The following CCSER1 variants were observed in gnomAD, a reference collection of about 807,000 sequenced individuals.
CCSER1 encodes the protein coiled-coil serine rich protein 1.
A neutral mutation model predicts 82.0 loss-of-function variants in CCSER1; 41 were observed. The ratio of observed to expected loss-of-function variants is 0.50; its 90% CI spans 0.39 to 0.65. CCSER1 has a LOEUF of 0.65. CCSER1 is among the 30% of genes least tolerant of loss of function. CCSER1 has a pLI of 0.00. For synonymous variants in CCSER1, 414 were observed against 383.9 expected, an observed-to-expected ratio of 1.08 and a Z score of -0.92; for missense variants, 1,119 against 1,064.2, an observed-to-expected ratio of 1.05 and a Z score of -0.72.
intron 4 of CCSER1, among the ~76,000 whole-genome samples, chr4:90,466,565 G>A (rs1389112227): frequency 6.6e-6 from 1 of 152,190 alleles, no homozygotes; most frequent in Non-Finnish European, 1.5e-5. Context: ...GAACCCAGTT[G>A]AGCCCATCTG....
chr4:90,467,928 C>A (rs1366852731), intron 4 of CCSER1, among the ~76,000 whole-genome samples: 2 of 152,030 alleles, frequency 1.3e-5, no homozygotes, highest in East Asian at 1.9e-4. Context: ...TGCAAAGATT[C>A]ATTTAACTGT....
intron 1 of CCSER1, among the ~76,000 whole-genome samples, chr4:90,231,963 A>G (rs1744662424): frequency 6.6e-6 from 1 of 151,644 alleles, no homozygotes. Flanking sequence ...CTGCTCAAGG[A>G]AATAAAAGAG....
intron 1 of CCSER1, among the ~76,000 whole-genome samples, chr4:90,288,011 C>T (rs1730216681): frequency 6.6e-6 from 1 of 151,782 alleles, no homozygotes; most frequent in African/African-American, 2.4e-5. Flanking sequence ...TTTCTCTCAT[C>T]CCTCTATCAA....
At chr4:90,332,288 G>A (rs186926538) in intron 3 of CCSER1, among the ~76,000 whole-genome samples, 30 of 151,678 alleles carry the variant, frequency 2.0e-4, no homozygotes, top group Non-Finnish European at 3.5e-4. Context: ...CCAGGCTGGA[G>A]TGCAGTGGCT....
At chr4:90,300,029 G>T (rs1220234386) in intron 1 of CCSER1, among the ~76,000 whole-genome samples, 1 of 151,924 alleles carries the variant, frequency 6.6e-6, no homozygotes. Flanking sequence ...TTTCTTTTTA[G>T]TGTGGTCATT....
intron 6 of CCSER1, among the ~76,000 whole-genome samples, chr4:90,702,326 T>C (rs1738326680): frequency 6.6e-6 from 1 of 152,190 alleles, no homozygotes; most frequent in African/African-American, 2.4e-5. Context: ...TGAAGCCCAC[T>C]TGATCATGGT....
intron 10 of CCSER1, among the ~76,000 whole-genome samples, chr4:91,571,161 A>G (rs957817251): frequency 6.6e-6 from 1 of 152,194 alleles, no homozygotes; most frequent in Non-Finnish European, 1.5e-5. Context: ...AAAGCCATTC[A>G]ACAAGTCTCT....
intron 1 of CCSER1, among the ~76,000 whole-genome samples, chr4:90,246,249 A>G (rs1404856642): frequency 6.6e-6 from 1 of 152,154 alleles, no homozygotes; most frequent in Non-Finnish European, 1.5e-5. Context: ...TGAGGTAATT[A>G]AGGTTCAGAC....
chr4:90,175,505 A>AAG (rs535866901), intron 1 of CCSER1, among the ~76,000 whole-genome samples: 118 of 152,112 alleles, frequency 7.8e-4, no homozygotes, highest in African/African-American at 2.7e-3. Context: ...AATCCAGAAT[A>AAG]AGAAATACTC....
intron 10 of CCSER1, among the ~76,000 whole-genome samples, chr4:91,182,194 T>C (rs7660527): frequency 0.73 from 110,961 of 152,070 alleles, 40,755 homozygotes; most frequent in Non-Finnish European, 0.78. Flanking sequence ...TTGGGATCCT[T>C]CTGGAATCTC....
chr4:90,383,955 G>T (rs1749611131), intron 3 of CCSER1, among the ~76,000 whole-genome samples: 1 of 151,260 alleles, frequency 6.6e-6, no homozygotes, highest in Non-Finnish European at 1.5e-5. Flanking sequence ...TAGAGACAGG[G>T]TCTTGCTATG....
intron 4 of CCSER1, among the ~76,000 whole-genome samples, chr4:90,423,969 T>G (rs1757134185): frequency 6.6e-6 from 1 of 150,808 alleles, no homozygotes; most frequent in South Asian, 2.1e-4. Context: ...CGGGCGCCTG[T>G]AGTACCAGCT....
intron 10 of CCSER1, chr4:91,319,651 C>T (rs6532289): frequency 0.75 from 340,084 of 455,496 alleles, 128,612 homozygotes; most frequent in African/African-American, 0.93. Context: ...CTACCTAATA[C>T]AAAACCCAGT....
chr4:91,444,958 C>G (rs1366224381), intron 10 of CCSER1, among the ~76,000 whole-genome samples: 1 of 152,174 alleles, frequency 6.6e-6, no homozygotes, highest in Admixed American at 6.6e-5. Context: ...TCAGGATGTA[C>G]TTTGGTATAA....
At chr4:90,626,424 G>A (rs1458638647) in intron 5 of CCSER1, among the ~76,000 whole-genome samples, 1 of 152,072 alleles carries the variant, frequency 6.6e-6, no homozygotes, top group Non-Finnish European at 1.5e-5. Context: ...AATAGCCATA[G>A]AAAGCATTAA....
intron 8 of CCSER1, among the ~76,000 whole-genome samples, chr4:90,833,076 A>T (rs1361152126): frequency 1.3e-5 from 2 of 152,166 alleles, no homozygotes; most frequent in East Asian, 3.9e-4. Flanking sequence ...AAGACTTGAG[A>T]CTGGGTAATT....
At chr4:91,443,676 T>G (rs1396717663) in intron 10 of CCSER1, among the ~76,000 whole-genome samples, 1 of 148,054 alleles carries the variant, frequency 6.8e-6, no homozygotes. Flanking sequence ...AATAATAAAA[T>G]AAAAGAAAAT....
intron 3 of CCSER1, among the ~76,000 whole-genome samples, chr4:90,365,378 C>T (rs1746110310): frequency 2.0e-5 from 3 of 151,770 alleles, no homozygotes; most frequent in South Asian, 2.1e-4. Context: ...TGCATATATA[C>T]ATATACACAT....
intron 10 of CCSER1, among the ~76,000 whole-genome samples, chr4:91,546,390 T>A (rs995368470): frequency 4.6e-5 from 7 of 152,036 alleles, no homozygotes. Flanking sequence ...AACCCATGTC[T>A]TTTTTTGGAA....
Sources: gnomAD v4.1 joint callset for allele counts (sites outside exome capture counted in the v4.1 genomes callset) on GRCh38, gnomAD v4.1.1 for gene constraint, MANE v1.5 for transcripts, NCBI Gene and HGNC (gene_info 2026-07-23, HGNC 2026-07-21) for gene names.